TLE1: variants seen among roughly 807,000 people sequenced by gnomAD.
TLE1 encodes TLE family member 1, transcriptional corepressor, also known as transducin-like enhancer protein 1.
Under a neutral mutation model 89.8 loss-of-function variants are expected in TLE1, and 21 were observed. That is an observed-to-expected ratio of 0.23 (90% CI 0.17 to 0.34). TLE1 has a LOEUF of 0.34. Ranked by LOEUF, TLE1 falls within the 10% of genes least tolerant of loss-of-function variation. TLE1 has a pLI of 1.00. For missense variants in TLE1, 795 were observed against 1,031.2 expected, an observed-to-expected ratio of 0.77 and a Z score of 3.14; for synonymous variants, 447 against 407.6, an observed-to-expected ratio of 1.10 and a Z score of -1.16.
chr9:81,641,430 C>T (rs1281833286), intron 6 of TLE1, among the ~76,000 whole-genome samples: 1 of 152,008 alleles, frequency 6.6e-6, no homozygotes, highest in Non-Finnish European at 1.5e-5. Context: ...AAGACAATAA[C>T]AAAAACTAAA....
chr9:81,591,149 G>A, intron 15 of TLE1, 97 bp from the exon 16 acceptor site: 1 of 1,478,360 alleles, frequency 6.8e-7, no homozygotes, highest in Non-Finnish European at 9.2e-7. Flanking sequence ...GTTAAGAGTG[G>A]TGTTTCATGG....
At chr9:81,633,994 T>G (rs1827039771) in intron 7 of TLE1, 103 bp downstream of exon 7, 1 of 1,229,474 alleles carries the variant, frequency 8.1e-7, no homozygotes, top group Non-Finnish European at 1.1e-6. Context: ...TCTCATTGTT[T>G]GCTCTCTGTA....
At chr9:81,675,552 C>T (rs1026766867) in intron 4 of TLE1, among the ~76,000 whole-genome samples, 1 of 152,038 alleles carries the variant, frequency 6.6e-6, no homozygotes, top group African/African-American at 2.4e-5. Context: ...AAACATATTA[C>T]TACAATAAAA....
chr9:81,620,629 T>C, intron 8 of TLE1, 72 bp from the exon 9 acceptor site: 1 of 1,556,528 alleles, frequency 6.4e-7, no homozygotes, highest in South Asian at 1.2e-5. Flanking sequence ...AACCTCGATG[T>C]GAGAACTATT....
Position 81,687,336 on chromosome 9 carries a change from G to A in TLE1, c.123C>T (p.His41=). The A allele has an allele frequency of 6.2e-7, 1 of 1,603,338 alleles. No individual in the cohort carries two copies. The highest frequency in any genetic ancestry group is 8.5e-7 in the Non-Finnish European group (1 of 1,176,570). The change falls in exon 2 of 20, where the codon CAC becomes CAT. Residue 41 remains histidine, a splice_region_variant and synonymous_variant. Transcript: ENST00000376499. The part of the protein sequence containing the change: ...EEFQFLQAQY[H]SLKLECEKLA... The stretch of plus-strand genomic sequence containing the variant: ...GCATGGCGCGGCCGGACACGCACCT[G>A]TGATACTGCGCCTGCAGGAACTGGA...
At position 81,645,857 on chromosome 9, in the gene TLE1, C is replaced by T. The variant is rs190499292; in HGVS notation, c.372+6357G>A. On this transcript the variant is annotated intron_variant, in intron 6 of 19. Transcript: ENST00000376499. Reference sequence around the variant, plus strand: ...TGCCTGCATCAAAACATCTCCTGTACCTCATAAATATATACACCTAGTACA... The same window carrying T: ...TGCCTGCATCAAAACATCTCCTGTATCTCATAAATATATACACCTAGTACA... 6.4e-4 allele frequency among the ~76,000 whole-genome samples: 97 copies of T among 152,278 alleles called. 1 individual carries two copies. The highest frequency in any genetic ancestry group is 6.3e-3 in the Admixed American group (96 of 15,298).
Position 81,616,638 on chromosome 9 carries a change from A to T in TLE1, c.765+8T>A. On this transcript the variant is annotated splice_region_variant and intron_variant, in intron 10 of 19. Coordinates refer to ENST00000376499, the MANE Select transcript of TLE1 (RefSeq NM_005077.5). ...CTGAAGACAAACTTTGATGAAAAGAATGGTTACCTCATTAGACACATCCAC... is the reference window on the plus strand; with the variant it reads ...CTGAAGACAAACTTTGATGAAAAGATTGGTTACCTCATTAGACACATCCAC... The T allele has an allele frequency of 6.2e-7, 1 of 1,613,696 alleles. No individual in the cohort carries two copies. Among genetic ancestry groups the T allele is most frequent in the Non-Finnish European group, 8.5e-7 (1 of 1,179,822 alleles).
chr9:81,681,009 G>A (rs1240917023), intron 4 of TLE1, among the ~76,000 whole-genome samples: 1 of 151,516 alleles, frequency 6.6e-6, no homozygotes, highest in Non-Finnish European at 1.5e-5. Context: ...TATCCCACAG[G>A]TGAGTCCCTA....
intron 6 of TLE1, among the ~76,000 whole-genome samples, chr9:81,648,316 C>T (rs1450633120): frequency 6.7e-6 from 1 of 149,208 alleles, no homozygotes; most frequent in Admixed American, 6.7e-5. Context: ...CTTTCACATG[C>T]CAAAAGAAAG....
chr9:81,625,174 T>A (rs901518781), intron 8 of TLE1, among the ~76,000 whole-genome samples: 9 of 152,080 alleles, frequency 5.9e-5, no homozygotes, highest in African/African-American at 1.9e-4. Context: ...GACTGGACTC[T>A]CTCTCTCACG....
intron 8 of TLE1, among the ~76,000 whole-genome samples, chr9:81,624,183 A>T (rs1470198799): frequency 2.0e-5 from 3 of 152,166 alleles, no homozygotes; most frequent in Admixed American, 6.5e-5. Flanking sequence ...TCTCTGACCT[A>T]CCTCCTAACC....
At chr9:81,649,383 C>T (rs1479876004) in intron 6 of TLE1, among the ~76,000 whole-genome samples, 1 of 152,154 alleles carries the variant, frequency 6.6e-6, no homozygotes, top group Non-Finnish European at 1.5e-5. Context: ...ACACCTTGAA[C>T]TAACCTAGAA....
At chr9:81,677,466 G>A (rs1833038656) in intron 4 of TLE1, among the ~76,000 whole-genome samples, 1 of 149,852 alleles carries the variant, frequency 6.7e-6, no homozygotes, top group Non-Finnish European at 1.5e-5. Context: ...TCAGCAGGCT[G>A]AGGCAGGAAA....
At position 81,632,221 on chromosome 9, in the gene TLE1, C is replaced by A. The variant is rs183772029; in HGVS notation, c.594+1127G>T. ...TTATTTCCCAGCTATAATTTTTTGT[C>A]CCCCCAATCCCCTCTCAACATTTTC... On this transcript the variant is annotated intron_variant, in intron 8 of 19. Coordinates refer to ENST00000376499, the MANE Select transcript of TLE1 (RefSeq NM_005077.5). Among the ~76,000 whole-genome samples the A allele has an allele frequency of 1.2e-3, 188 of 152,046 alleles. 2 individuals carry two copies. Among genetic ancestry groups the A allele is most frequent in the African/African-American group, 4.2e-3 (174 of 41,426 alleles).
At chr9:81,676,216 G>A (rs889183812) in intron 4 of TLE1, among the ~76,000 whole-genome samples, 1 of 152,120 alleles carries the variant, frequency 6.6e-6, no homozygotes, top group African/African-American at 2.4e-5. Context: ...CACATAAGGA[G>A]TACCCAAAAC....
chr9:81,615,669 C>T (rs1427197354), intron 11 of TLE1, among the ~76,000 whole-genome samples: 2 of 146,938 alleles, frequency 1.4e-5, no homozygotes, highest in African/African-American at 2.6e-5. Context: ...GCTGAGACTG[C>T]ACCACTGCAC....
At chr9:81,669,827 T>A (rs10867793) in intron 4 of TLE1, among the ~76,000 whole-genome samples, 43,494 of 152,068 alleles carry the variant, frequency 0.29, 7,136 homozygotes, top group Middle Eastern at 0.41. Flanking sequence ...TAACCCTGAC[T>A]TTATACCAAC....
At chr9:81,653,226 A>G (rs1189215441) in intron 5 of TLE1, among the ~76,000 whole-genome samples, 1 of 152,184 alleles carries the variant, frequency 6.6e-6, no homozygotes, top group Non-Finnish European at 1.5e-5. Flanking sequence ...AACAGGTGCC[A>G]ACCAGGATAC....
intron 16 of TLE1, among the ~76,000 whole-genome samples, chr9:81,590,086 A>G (rs1185885944): frequency 6.6e-6 from 1 of 152,236 alleles, no homozygotes; most frequent in Non-Finnish European, 1.5e-5. Context: ...AAGATGAAAC[A>G]AGAGTAAAAC....
Sources: gnomAD v4.1 joint callset for allele counts (sites outside exome capture counted in the v4.1 genomes callset) on GRCh38, gnomAD v4.1.1 for gene constraint, MANE v1.5 for transcripts, NCBI Gene and HGNC (gene_info 2026-07-23, HGNC 2026-07-21) for gene names.